The following SLC9B1 variants were observed in gnomAD, a reference collection of about 807,000 sequenced individuals.
The protein encoded by SLC9B1 is solute carrier family 9 member B1.
SLC9B1 carries 32 observed loss-of-function variants against 51.7 expected under a neutral mutation model. The observed-to-expected ratio is 0.62, with a 90% CI of 0.47 to 0.83. The LOEUF (loss-of-function observed/expected upper bound fraction) is 0.83, where lower values mean the gene tolerates loss of function less well. SLC9B1 is among the 40% of genes least tolerant of loss of function. SLC9B1 has a pLI of 0.00. For synonymous variants in SLC9B1, 145 were observed against 212.7 expected (o/e 0.68, Z 2.77); for missense variants, 406 against 613.2 (o/e 0.66, Z 3.57).
intron 3 of SLC9B1, among the ~76,000 whole-genome samples, chr4:102,979,661 T>C (rs1739251500): frequency 6.6e-6 from 1 of 152,154 alleles, no homozygotes; most frequent in Admixed American, 6.6e-5. Context: ...CTTGGCTCCT[T>C]AGTGTCTGTT....
At chr4:103,010,151 C>T (rs1316951984) in intron 1 of SLC9B1, among the ~76,000 whole-genome samples, 1 of 152,092 alleles carries the variant, frequency 6.6e-6, no homozygotes, top group Admixed American at 6.5e-5. Context: ...ATTTTGTATG[C>T]TGTAACAGAA....
chr4:102,891,086 T>C (rs1474319187), intron 11 of SLC9B1: 1 of 151,312 alleles, frequency 6.6e-6, no homozygotes, highest in Non-Finnish European at 1.5e-5. Flanking sequence ...TGTGTTTACA[T>C]ATTACATCTA....
chr4:102,921,823 C>T (rs1735893711), intron 7 of SLC9B1, among the ~76,000 whole-genome samples: 1 of 152,196 alleles, frequency 6.6e-6, no homozygotes, highest in Non-Finnish European at 1.5e-5. Flanking sequence ...AAGGCCATTA[C>T]ATAATGGTAA....
chr4:102,932,598 CA>C (rs1387287887), intron 6 of SLC9B1, among the ~76,000 whole-genome samples: 2 of 152,068 alleles, frequency 1.3e-5, no homozygotes, highest in Non-Finnish European at 2.9e-5. Context: ...AACCAGAAAG[CA>C]AAAGGTGAAT....
intron 6 of SLC9B1, among the ~76,000 whole-genome samples, chr4:102,937,249 C>T (rs1240088758): frequency 3.3e-5 from 5 of 151,270 alleles, no homozygotes; most frequent in Non-Finnish European, 4.4e-5. Context: ...ACTACAGGTG[C>T]GCACCACAAC....
chr4:102,961,036 C>T (rs1362157920), intron 3 of SLC9B1, among the ~76,000 whole-genome samples: 1 of 152,052 alleles, frequency 6.6e-6, no homozygotes, highest in East Asian at 1.9e-4. Flanking sequence ...CTGGCCTAAG[C>T]TTTACTTTCT....
At chr4:102,886,490 C>CA (rs1442401495) in intron 11 of SLC9B1, among the ~76,000 whole-genome samples, 1 of 143,974 alleles carries the variant, frequency 6.9e-6, no homozygotes, top group Admixed American at 6.9e-5. Context: ...GACTGTCTCA[C>CA]AAAAAAAAGA....
At chr4:102,885,394 T>C in intron 11 of SLC9B1, 2 of 1,614,110 alleles carry the variant, frequency 1.2e-6, no homozygotes, top group Non-Finnish European at 1.7e-6. Flanking sequence ...TGTGTCTTAC[T>C]AAAGCAGCTT....
intron 1 of SLC9B1, among the ~76,000 whole-genome samples, chr4:103,007,192 T>C (rs1000435169): frequency 6.6e-6 from 1 of 152,148 alleles, no homozygotes; most frequent in African/African-American, 2.4e-5. Context: ...ACAATCTCTG[T>C]CTGTAGATGA....
At position 102,925,877 on chromosome 4, in the gene SLC9B1, A is replaced by G. The variant is rs539748406; in HGVS notation, c.829+6247T>C. On this transcript the variant is annotated intron_variant, in intron 7 of 11. Transcript: ENST00000296422. The stretch of plus-strand genomic sequence containing the variant: ...ATACTGGCAAACCGAATCCAGCAGC[A>G]CATCAAAAAGCTTATCCACCACGAT... Among the ~76,000 whole-genome samples the G allele has an allele frequency of 4.6e-5, 7 of 152,198 alleles. No homozygotes were observed. The South Asian group carries it at 6.2e-4, about 13-fold the overall frequency.
At chr4:103,017,816 C>T (rs1272371666) in intron 1 of SLC9B1, among the ~76,000 whole-genome samples, 2 of 152,214 alleles carry the variant, frequency 1.3e-5, no homozygotes, top group Admixed American at 1.3e-4. Flanking sequence ...AGCGATCTTG[C>T]TAGTCTTTCT....
At chr4:102,899,512 C>A (rs1182826409), downstream of SLC9B1, among the ~76,000 whole-genome samples, 2 of 151,826 alleles carry the variant, frequency 1.3e-5, no homozygotes, top group Non-Finnish European at 2.9e-5. Context: ...CTCCTGGGTT[C>A]AAGCGATTCT....
chr4:103,018,950 G>A (rs905476441), intron 1 of SLC9B1, among the ~76,000 whole-genome samples: 17 of 152,152 alleles, frequency 1.1e-4, no homozygotes, highest in Non-Finnish European at 2.5e-4. Flanking sequence ...TATGAACTGC[G>A]CATGTGAGGG....
chr4:102,920,252 T>C (rs1735796935), intron 7 of SLC9B1, among the ~76,000 whole-genome samples: 1 of 152,198 alleles, frequency 6.6e-6, no homozygotes, highest in South Asian at 2.1e-4. Flanking sequence ...CCACTGGTGA[T>C]ACTCAGGCAA....
At chr4:102,949,542 T>G in intron 3 of SLC9B1, 115 bp from the exon 4 acceptor site, 1 of 713,338 alleles carries the variant, frequency 1.4e-6, no homozygotes. Flanking sequence ...AAATGATACA[T>G]GGTATAGATC....
chr4:102,913,627 A>G (rs1401159022), intron 7 of SLC9B1, among the ~76,000 whole-genome samples: 1 of 152,052 alleles, frequency 6.6e-6, no homozygotes, highest in African/African-American at 2.4e-5. Flanking sequence ...TTAAAGGAGC[A>G]AAATAAATCT....
intron 3 of SLC9B1, among the ~76,000 whole-genome samples, chr4:102,979,367 T>A (rs1739233828): frequency 6.6e-6 from 1 of 152,180 alleles, no homozygotes; most frequent in African/African-American, 2.4e-5. Flanking sequence ...CCTCTTTTCA[T>A]TTGTTATTCT....
At chr4:102,899,535 T>C (rs981114696), downstream of SLC9B1, among the ~76,000 whole-genome samples, 5 of 151,826 alleles carry the variant, frequency 3.3e-5, no homozygotes, top group Non-Finnish European at 5.9e-5. Context: ...TGCCTTAGCC[T>C]TCTGAGTAGC....
At chr4:102,946,568 A>G (rs1240864032) in intron 5 of SLC9B1, 79 bp downstream of exon 5, 1 of 1,489,176 alleles carries the variant, frequency 6.7e-7, no homozygotes, top group African/African-American at 1.4e-5. Flanking sequence ...ACAGGAAAAT[A>G]AAATTTTTGC....
Sources: gnomAD v4.1 joint callset for allele counts (sites outside exome capture counted in the v4.1 genomes callset) on GRCh38, gnomAD v4.1.1 for gene constraint, MANE v1.5 for transcripts, NCBI Gene and HGNC (gene_info 2026-07-23, HGNC 2026-07-21) for gene names.